PLD5: variants seen among roughly 807,000 people sequenced by gnomAD.
PLD5 encodes the protein phospholipase D family member 5.
Under a neutral mutation model 61.1 loss-of-function variants are expected in PLD5, and 36 were observed. The observed-to-expected ratio is 0.59, with a 90% CI of 0.45 to 0.78. The LOEUF is 0.78. Ranked by LOEUF, PLD5 falls within the 30% of genes least tolerant of loss-of-function variation. PLD5 has a pLI of 0.00. For missense variants in PLD5, 515 were observed against 644.4 expected, an observed-to-expected ratio of 0.80 and a Z score of 2.17; for synonymous variants, 243 against 242.8, an observed-to-expected ratio of 1.00 and a Z score of -0.01.
intron 3 of PLD5, among the ~76,000 whole-genome samples, chr1:242,266,581 GA>G (rs1415286111): frequency 3.3e-5 from 5 of 152,158 alleles, no homozygotes; most frequent in Non-Finnish European, 5.9e-5. Context: ...ATCATAAAAG[GA>G]AAATGGTCTT....
At chr1:242,097,114 G>C (rs1660311681) in intron 9 of PLD5, among the ~76,000 whole-genome samples, 1 of 152,178 alleles carries the variant, frequency 6.6e-6, no homozygotes, top group South Asian at 2.1e-4. Flanking sequence ...ATTCCACGGT[G>C]TATATGTGCC....
chr1:242,125,712 C>G (rs1662729117), intron 5 of PLD5, among the ~76,000 whole-genome samples: 1 of 152,122 alleles, frequency 6.6e-6, no homozygotes, highest in Non-Finnish European at 1.5e-5. Flanking sequence ...ATAGTAAACT[C>G]CCTTTTTATC....
chr1:242,251,806 A>G (rs2917444), intron 4 of PLD5, among the ~76,000 whole-genome samples: 1 of 152,176 alleles, frequency 6.6e-6, no homozygotes, highest in South Asian at 2.1e-4. Context: ...AAATTCCTGA[A>G]AAAGTGGGAC....
At chr1:242,174,341 A>G (rs1393557726) in intron 5 of PLD5, among the ~76,000 whole-genome samples, 3 of 152,254 alleles carry the variant, frequency 2.0e-5, no homozygotes, top group Non-Finnish European at 4.4e-5. Flanking sequence ...AATCAAAACC[A>G]CAATGGGATA....
chr1:242,275,714 G>C (rs1027267530), intron 3 of PLD5, among the ~76,000 whole-genome samples: 1 of 152,150 alleles, frequency 6.6e-6, no homozygotes, highest in Admixed American at 6.5e-5. Flanking sequence ...CCAGCATAAG[G>C]CCTCAGGGAA....
intron 4 of PLD5, among the ~76,000 whole-genome samples, chr1:242,262,992 C>G (rs553440982): frequency 7.5e-4 from 114 of 152,156 alleles, no homozygotes; most frequent in Middle Eastern, 3.4e-3. Context: ...CACCTCCAAG[C>G]CACAGTTTGA....
rs1246040375 is a variant in PLD5, at chr1:242,167,076, TAGTAATAATAATA to T, written c.736-42424_736-42412del. The stretch of plus-strand genomic sequence containing the variant: ...TTTTGAGAGTGAGAGACAATAATAA[TAGTAATAATAATA>T]ATAATAATAATAATAATAATAATAA... On this transcript the variant is annotated intron_variant, in intron 5 of 9. Transcript: ENST00000536534. 3.4e-3 allele frequency among the ~76,000 whole-genome samples: 262 copies of T among 77,392 alleles called. 2 individuals are homozygous for T. Among genetic ancestry groups the T allele is most frequent in the South Asian group, 6.5e-3 (15 of 2,300 alleles). The allele number at this position is 77,392 out of a possible 152,430, so 50.8% of individuals were successfully genotyped here.
At chr1:242,251,706 T>C (rs554207222) in intron 4 of PLD5, among the ~76,000 whole-genome samples, 6 of 152,100 alleles carry the variant, frequency 3.9e-5, no homozygotes, top group African/African-American at 1.2e-4. Flanking sequence ...TTTCCCCTCA[T>C]TGACTTGAGT....
chr1:242,502,546 AC>A (rs1254835161), intron 1 of PLD5, among the ~76,000 whole-genome samples: 1 of 152,194 alleles, frequency 6.6e-6, no homozygotes, highest in African/African-American at 2.4e-5. Flanking sequence ...AATAAAAGAT[AC>A]CTTTTCTTGC....
intron 1 of PLD5, among the ~76,000 whole-genome samples, chr1:242,468,551 A>G (rs987387547): frequency 1.3e-5 from 2 of 152,114 alleles, no homozygotes; most frequent in Admixed American, 1.3e-4. Flanking sequence ...CTTTACAAAC[A>G]TGATTTTAAT....
At chr1:242,404,462 C>T (rs889857073) in intron 1 of PLD5, among the ~76,000 whole-genome samples, 4 of 152,038 alleles carry the variant, frequency 2.6e-5, no homozygotes, top group South Asian at 2.1e-4. Flanking sequence ...TAACTACGAG[C>T]GTTTCTAGCT....
chr1:242,292,337 A>G (rs1675416864), intron 2 of PLD5, among the ~76,000 whole-genome samples: 1 of 152,224 alleles, frequency 6.6e-6, no homozygotes, highest in South Asian at 2.1e-4. Context: ...AGAACTAGCT[A>G]GTTTTAATTT....
intron 5 of PLD5, among the ~76,000 whole-genome samples, chr1:242,160,839 C>A (rs182970971): frequency 6.6e-6 from 1 of 151,302 alleles, no homozygotes; most frequent in East Asian, 1.9e-4. Flanking sequence ...GAGCTTTGAT[C>A]GAGCCACTGC....
intron 2 of PLD5, among the ~76,000 whole-genome samples, chr1:242,329,501 T>C (rs1387883483): frequency 6.6e-6 from 1 of 152,160 alleles, no homozygotes; most frequent in Non-Finnish European, 1.5e-5. Context: ...CTTCTGGTCA[T>C]CTCCACTCAG....
chr1:242,171,180 C>G (rs935275163), intron 5 of PLD5, among the ~76,000 whole-genome samples: 1 of 152,214 alleles, frequency 6.6e-6, no homozygotes, highest in African/African-American at 2.4e-5. Context: ...ATCAGACTAA[C>G]AGTAGATCTC....
At chr1:242,258,987 T>G (rs752376076) in intron 4 of PLD5, among the ~76,000 whole-genome samples, 11 of 152,242 alleles carry the variant, frequency 7.2e-5, no homozygotes, top group Non-Finnish European at 1.6e-4. Context: ...GCTCATGTCT[T>G]AGTCATCTTC....
At position 242,230,019 on chromosome 1, in the gene PLD5, C is replaced by T. The variant is rs541693180; in HGVS notation, c.608-9904G>A. 1.5e-3 allele frequency among the ~76,000 whole-genome samples: 227 copies of T among 152,092 alleles called. 1 individual carries two copies. The highest frequency in any genetic ancestry group is 2.7e-3 in the Non-Finnish European group (182 of 68,020). ...AATGCCTGGAGACATTTCTGCTTGT[C>T]GCAACTGTCAGGGGGATGCTATTAG... is the stretch of plus-strand genomic sequence containing the variant. On this transcript the variant is annotated intron_variant, in intron 4 of 9. Transcript: ENST00000536534.
intron 1 of PLD5, among the ~76,000 whole-genome samples, chr1:242,414,283 A>G (rs1042823465): frequency 7.9e-5 from 12 of 152,202 alleles, no homozygotes; most frequent in African/African-American, 2.9e-4. Context: ...AGATAGAAAA[A>G]ATATTTTAGA....
chr1:242,365,707 CT>C (rs113183630), intron 1 of PLD5: 4,022 of 209,972 alleles, frequency 0.019, 62 homozygotes, highest in Middle Eastern at 0.051. Context: ...AGACAATAAA[CT>C]TGTGTATAAC....
Sources: allele counts gnomAD v4.1 joint callset (sites outside exome capture counted in the v4.1 genomes callset), GRCh38; gene constraint gnomAD v4.1.1; transcripts MANE v1.5; gene names NCBI Gene and HGNC (gene_info 2026-07-23, HGNC 2026-07-21).